The following FGL2 variants were observed in gnomAD, a reference collection of about 807,000 sequenced individuals.
FGL2 encodes fibroleukin.
FGL2 carries 21 observed loss-of-function variants against 36.0 expected under a neutral mutation model. The ratio of observed to expected loss-of-function variants is 0.58; its 90% CI spans 0.41 to 0.84. FGL2 has a LOEUF of 0.84. FGL2 is among the 40% of genes least tolerant of loss of function. FGL2 has a pLI of 0.00. For missense variants in FGL2, 444 were observed against 526.3 expected, an observed-to-expected ratio of 0.84 and a Z score of 1.53; for synonymous variants, 183 against 190.7, an observed-to-expected ratio of 0.96 and a Z score of 0.33.
rs943056892 is a variant in FGL2 at position 77,194,846 on chromosome 7, A to G, written c.*1433T>C. On this transcript the variant is annotated 3_prime_UTR_variant, in exon 2 of 2. Transcript: ENST00000248598. ...CCTTTTTACGATGATGAAATTAAAC[A>G]CATTTAAAAAGTCTTTTAAATATTA... 8 of 152,144 alleles carry G rather than the reference A, an allele frequency of 5.3e-5. No individual in the cohort carries two copies. The highest frequency in any genetic ancestry group is 6.5e-5 in the Admixed American group (1 of 15,274). The allele number at this position is 152,144 out of a possible 1,614,324, so 9.4% of individuals were successfully genotyped here. A position where few individuals can be genotyped will look rare whatever the true frequency, so the allele number is the denominator to read the frequency against.
chr7:77,193,747 G>C lies in FGL2; in HGVS notation c.*2532C>G, dbSNP rs1791813557. 1 of 152,156 alleles carries C rather than the reference G, an allele frequency of 6.6e-6. No homozygotes were observed. 9.4% of individuals were successfully genotyped at this position (152,156 alleles called of 1,614,324 possible). On this transcript the variant is annotated 3_prime_UTR_variant, in exon 2 of 2. Transcript: ENST00000248598. The stretch of plus-strand genomic sequence containing the variant: ...TCCACCTGGAATTTCTAAGGACCCA[G>C]TTTTAGTCAATATTTTCAAGTAATC...
intron 1 of FGL2, chr7:77,198,278 A>C: frequency 1.0e-6 from 1 of 985,396 alleles, no homozygotes; most frequent in Middle Eastern, 5.2e-4. Context: ...TCTCTAAATG[A>C]AAGTGATCTC....
intron 1 of FGL2, 113 bp downstream of exon 1, chr7:77,199,067 TA>T: frequency 2.2e-6 from 2 of 911,444 alleles, no homozygotes; most frequent in Non-Finnish European, 3.4e-6. Flanking sequence ...CCTTGATAAA[TA>T]AAAGACTTAA....
Position 77,199,529 on chromosome 7 carries a change from C to A in FGL2, c.265G>T (p.Val89Leu), listed in dbSNP as rs766309139. 6.2e-7 allele frequency: 1 copy of A among 1,614,118 alleles called. No homozygotes were observed. The highest frequency in any genetic ancestry group is 8.5e-7 in the Non-Finnish European group (1 of 1,180,012). Residue 89 changes from valine to leucine, a missense_variant, in exon 1 of 2, where the codon GTA becomes TTA. Coordinates refer to ENST00000248598, the MANE Select transcript of FGL2 (RefSeq NM_006682.3). Reference protein sequence around the residue: ...FKEVQNLKEIVNSLKKSCQDC... With the variant: ...FKEVQNLKEILNSLKKSCQDC... ...TGGCAAGATTTCTTTAGACTATTTA[C>A]GATTTCCTTGAGGTTTTGGACTTCT...
intron 1 of FGL2, among the ~76,000 whole-genome samples, chr7:77,197,866 C>T (rs1308673393): frequency 6.6e-6 from 1 of 152,054 alleles, no homozygotes; most frequent in Admixed American, 6.5e-5. Context: ...TGAGGATAAG[C>T]ATAATAATCA....
chr7:77,194,195 C>G lies in FGL2; in HGVS notation c.*2084G>C, dbSNP rs1791822998. ...ACCGTGTATATGAGCATATACCTTT[C>G]TTTAGAACTATGTTTTGTGATAAGT... On this transcript the variant is annotated 3_prime_UTR_variant, in exon 2 of 2. Transcript: ENST00000248598. The G allele has an allele frequency of 6.6e-6, 1 of 151,998 alleles. No homozygotes were observed. Among genetic ancestry groups the G allele is most frequent in the East Asian group, 1.9e-4 (1 of 5,198 alleles). 9.4% of individuals were successfully genotyped at this position (151,998 alleles called of 1,614,324 possible).
rs1394767319 is a variant in FGL2, at chr7:77,194,885, A to G, written c.*1394T>C. The G allele has an allele frequency of 6.6e-6, 1 of 152,164 alleles. No individual in the cohort carries two copies. Among genetic ancestry groups the G allele is most frequent in the Admixed American group, 6.5e-5 (1 of 15,278 alleles). 9.4% of individuals were successfully genotyped at this position (152,164 alleles called of 1,614,324 possible). A position where few individuals can be genotyped will look rare whatever the true frequency, so the allele number is the denominator to read the frequency against. On this transcript the variant is annotated 3_prime_UTR_variant, in exon 2 of 2. Transcript: ENST00000248598. Reference sequence around the variant, plus strand: ...TTTTAAATATTATATATAGCATTCCAGAATTGATGAATTATAAAAATTACA... The same window carrying G: ...TTTTAAATATTATATATAGCATTCCGGAATTGATGAATTATAAAAATTACA...
At position 77,199,188 on chromosome 7, in the gene FGL2, T is replaced by C; in HGVS notation, c.606A>G (p.Ser202=). 5 of 1,613,082 alleles carry C rather than the reference T, an allele frequency of 3.1e-6. No homozygotes were observed. Among genetic ancestry groups the C allele is most frequent in the Non-Finnish European group, 4.2e-6 (5 of 1,179,458 alleles). Residue 202 remains serine (S), a synonymous_variant, in exon 1 of 2, where the codon TCA becomes TCG. Transcript: ENST00000248598. The part of the protein sequence containing the change: ...SKCPSQEQIQ[S]RPVQHLIYKD... ...AAACATTATTATACATACCTGGACGTGACTGTATTTGTTCTTGGCTGGGAC... is the reference window on the plus strand; with the variant it reads ...AAACATTATTATACATACCTGGACGCGACTGTATTTGTTCTTGGCTGGGAC...
At position 77,194,076 on chromosome 7, in the gene FGL2, T is replaced by A. The variant is rs1045870214; in HGVS notation, c.*2203A>T. ...AATAAAGTGATCCCTTGAAATAATG[T>A]GGATAGAACAAGCTTTTGAATATTT... On this transcript the variant is annotated 3_prime_UTR_variant, in exon 2 of 2. Transcript: ENST00000248598. The A allele has an allele frequency of 1.3e-5, 2 of 152,120 alleles. No homozygotes were observed. Among genetic ancestry groups the A allele is most frequent in the African/African-American group, 2.4e-5 (1 of 41,450 alleles). 9.4% of individuals were successfully genotyped at this position (152,120 alleles called of 1,614,324 possible). A position where few individuals can be genotyped will look rare whatever the true frequency, so the allele number is the denominator to read the frequency against.
rs1484402315 is a variant in FGL2 at position 77,199,635 on chromosome 7, C to G, written c.159G>C (p.Gly53=). The part of the protein sequence containing the change: ...LESRGKCEEA[G]ECPYQVSLPP... ...GCAGGCTTACCTGGTAGGGGCACTCCCCTGCCTCTTCGCATTTCCCTCTGC... is the reference window on the plus strand; with the variant it reads ...GCAGGCTTACCTGGTAGGGGCACTCGCCTGCCTCTTCGCATTTCCCTCTGC... Residue 53 remains glycine, a synonymous_variant, in exon 1 of 2, where the codon GGG becomes GGC. Coordinates refer to ENST00000248598, the MANE Select transcript of FGL2 (RefSeq NM_006682.3). The G allele has an allele frequency of 1.2e-6, 2 of 1,614,144 alleles. No homozygotes were observed. The highest frequency in any genetic ancestry group is 1.3e-5 in the African/African-American group (1 of 75,052).
Position 77,199,588 on chromosome 7 carries a change from G to T in FGL2, c.206C>A (p.Pro69Gln), listed in dbSNP as rs763885426. 1.1e-5 allele frequency: 18 copies of T among 1,614,090 alleles called. No individual in the cohort carries two copies. The highest frequency in any genetic ancestry group is 1.4e-5 in the Non-Finnish European group (16 of 1,179,992). The change falls in exon 1 of 2, where the codon CCG becomes CAG. Residue 69 changes from proline (P) to glutamine (Q), a missense_variant. By Grantham distance (76) the Pro-to-Gln change is moderately conservative. Coordinates refer to ENST00000248598, the MANE Select transcript of FGL2 (RefSeq NM_006682.3). ...VSLPPLTIQLPKQFSRIEEVF... is the reference protein window; with the variant it reads ...VSLPPLTIQLQKQFSRIEEVF... ...CTCCTCGATCCTGCTGAATTGCTTCGGGAGCTGAATAGTCAAGGGGGGCAG... is the reference window on the plus strand; with the variant it reads ...CTCCTCGATCCTGCTGAATTGCTTCTGGAGCTGAATAGTCAAGGGGGGCAG...
chr7:77,199,802 T>G lies in FGL2; in HGVS notation c.-9A>C. 6.2e-7 allele frequency: 1 copy of G among 1,611,812 alleles called. No homozygotes were observed. The highest frequency in any genetic ancestry group is 8.5e-7 in the Non-Finnish European group (1 of 1,178,504). On this transcript the variant is annotated 5_prime_UTR_variant, in exon 1 of 2. Coordinates refer to ENST00000248598, the MANE Select transcript of FGL2 (RefSeq NM_006682.3). ...CAGTTAGCCAGCTTCATCTTTACAG[T>G]GCTGCTCACCCCAGCAGGGAGTGCG...
At position 77,199,229 on chromosome 7, in the gene FGL2, C is replaced by G. The variant is rs897006922; in HGVS notation, c.565G>C (p.Gly189Arg). The part of the protein sequence containing the change: ...NLTFVVNSLD[G>R]KCSKCPSQEQ... ...TGGCTGGGACACTTTGAACATTTGC[C>G]ATCCAAACTATTGACAACAAATGTT... The change falls in exon 1 of 2, where the codon GGC becomes CGC. Residue 189 changes from glycine to arginine, a missense_variant. Transcript: ENST00000248598. The G allele has an allele frequency of 6.2e-7, 1 of 1,613,732 alleles. No homozygotes were observed. The highest frequency in any genetic ancestry group is 8.5e-7 in the Non-Finnish European group (1 of 1,179,808).
rs2150427100 is a variant in FGL2 at position 77,193,538 on chromosome 7, T to C, written c.*2741A>G. The C allele has an allele frequency of 6.6e-6, 1 of 152,336 alleles. No homozygotes were observed. The highest frequency in any genetic ancestry group is 1.5e-5 in the Non-Finnish European group (1 of 68,004). The allele number at this position is 152,336 out of a possible 1,614,324, so 9.4% of individuals were successfully genotyped here. ...GATGACATTACTCATAACTTTTACCTTTAAAACCTTTTCTTGGGTAGCTAT... is the reference window on the plus strand; with the variant it reads ...GATGACATTACTCATAACTTTTACCCTTAAAACCTTTTCTTGGGTAGCTAT... On this transcript the variant is annotated 3_prime_UTR_variant, in exon 2 of 2. Coordinates refer to ENST00000248598, the MANE Select transcript of FGL2 (RefSeq NM_006682.3).
Position 77,196,415 on chromosome 7 carries a change from TG to T in FGL2, c.1183del (p.His395ThrfsTer19). 6.2e-7 allele frequency: 1 copy of T among 1,614,040 alleles called. No homozygotes were observed. The highest frequency in any genetic ancestry group is 2.2e-5 in the East Asian group (1 of 44,856). On this transcript the variant is annotated frameshift_variant, in exon 2 of 2. Coordinates refer to ENST00000248598, the MANE Select transcript of FGL2 (RefSeq NM_006682.3). LOFTEE classifies it high-confidence loss of function. The surrounding 1 kb of genome is among the most constrained non-coding windows in gnomAD (Gnocchi z 4.2). ...LSANLNGKYY[H>X]QKYRGVRNGI... ...ATTACGGACACCTCTGTATTTTTGG[TG>T]ATAATATTTGCCATTTAAGTTTGCA...
In FGL2 at chr7:77,194,348, TAAA is replaced by T. The variant is rs1453538074; in HGVS notation, c.*1928_*1930del. 1 of 152,054 alleles carries T rather than the reference TAAA, an allele frequency of 6.6e-6. No individual in the cohort carries two copies. The highest frequency in any genetic ancestry group is 1.5e-5 in the Non-Finnish European group (1 of 67,910). 9.4% of individuals were successfully genotyped at this position (152,054 alleles called of 1,614,324 possible). ...AACGTTTTTAGTCTTTTTTAAAAAGTAAAAAGTAAAAAACAACGTCAGTTACAT... is the reference window on the plus strand; with the variant it reads ...AACGTTTTTAGTCTTTTTTAAAAAGTAAGTAAAAAACAACGTCAGTTACAT... On this transcript the variant is annotated 3_prime_UTR_variant, in exon 2 of 2. Transcript: ENST00000248598.
Position 77,199,788 on chromosome 7 carries a change from CT to C in FGL2, c.5del (p.Lys2SerfsTer8). The C allele has an allele frequency of 6.2e-7, 1 of 1,613,530 alleles. No homozygotes were observed. The highest frequency in any genetic ancestry group is 8.5e-7 in the Non-Finnish European group (1 of 1,179,676). The part of the protein sequence containing the change: M[K>X]LANWYWLSSA... ...AGCTCAGCCAGTACCAGTTAGCCAG[CT>C]TCATCTTTACAGTGCTGCTCACCCC... On this transcript the variant is annotated frameshift_variant, in exon 1 of 2. Coordinates refer to ENST00000248598, the MANE Select transcript of FGL2 (RefSeq NM_006682.3). LOFTEE classifies it high-confidence loss of function.
At chr7:77,197,698 T>G (rs1791901342) in intron 1 of FGL2, among the ~76,000 whole-genome samples, 1 of 152,240 alleles carries the variant, frequency 6.6e-6, no homozygotes, top group Non-Finnish European at 1.5e-5. Flanking sequence ...AAATTCATAT[T>G]CATTTCACTT....
rs1219791476 is a variant in FGL2, at chr7:77,199,166, CATT to C, written c.613+12_613+14del. 1.9e-6 allele frequency: 3 copies of C among 1,598,934 alleles called. No homozygotes were observed. The highest frequency in any genetic ancestry group is 1.3e-5 in the African/African-American group (1 of 74,294). ...CATTTATGAACATATGATAAGAAAA[CATT>C]ATTATACATACCTGGACGTGACTGT... On this transcript the variant is annotated intron_variant, in intron 1 of 1. Transcript: ENST00000248598.
Sources: gnomAD v4.1 joint callset for allele counts (sites outside exome capture counted in the v4.1 genomes callset) on GRCh38, gnomAD v4.1.1 for gene constraint, Gnocchi (gnomAD v3.1) non-coding constraint, MANE v1.5 for transcripts, NCBI Gene and HGNC (gene_info 2026-07-23, HGNC 2026-07-21) for gene names.